Variants in CDKAL1 observed in about 807,000 individuals in gnomAD.
CDKAL1 encodes the protein CDKAL1 threonylcarbamoyladenosine tRNA methylthiotransferase, also known as threonylcarbamoyladenosine tRNA methylthiotransferase.
In CDKAL1, 32 loss-of-function variants were observed where a neutral mutation model predicts 68.2. That is an observed-to-expected ratio of 0.47 (90% confidence interval 0.35 to 0.63). The LOEUF (loss-of-function observed/expected upper bound fraction) is 0.63, where lower values mean the gene tolerates loss of function less well. Ranked by LOEUF, CDKAL1 falls within the 30% of genes least tolerant of loss-of-function variation. The probability of loss-of-function intolerance (pLI) is 0.00; values close to 1 mark genes in which losing one functional copy is unlikely to be tolerated. For missense variants in CDKAL1, 606 were observed against 696.7 expected (o/e 0.87, Z 1.47); for synonymous variants, 234 against 244.3 (o/e 0.96, Z 0.39).
chr6:20,829,095 G>A (rs893869844), intron 8 of CDKAL1, among the ~76,000 whole-genome samples: 1 of 152,008 alleles, frequency 6.6e-6, no homozygotes, highest in Non-Finnish European at 1.5e-5. Context: ...ATTGACATTT[G>A]GTTTGCTTCC....
At chr6:21,192,744 A>G (rs750692589) in intron 13 of CDKAL1, among the ~76,000 whole-genome samples, 1 of 152,116 alleles carries the variant, frequency 6.6e-6, no homozygotes, top group South Asian at 2.1e-4. Flanking sequence ...CTATATGCCT[A>G]TAAACAAATC....
chr6:21,114,030 C>T (rs1378199310), intron 13 of CDKAL1, among the ~76,000 whole-genome samples: 3 of 151,694 alleles, frequency 2.0e-5, no homozygotes, highest in African/African-American at 7.3e-5. Flanking sequence ...GGGCAGATCA[C>T]GAGGTCCAGA....
intron 9 of CDKAL1, among the ~76,000 whole-genome samples, chr6:20,896,565 A>G (rs565723934): frequency 2.6e-5 from 4 of 152,264 alleles, no homozygotes; most frequent in Non-Finnish European, 4.4e-5. Context: ...AGTGCCAAGT[A>G]AAATAAAGAA....
At chr6:21,046,349 C>T (rs1292269802) in intron 11 of CDKAL1, among the ~76,000 whole-genome samples, 1 of 152,202 alleles carries the variant, frequency 6.6e-6, no homozygotes, top group Non-Finnish European at 1.5e-5. Context: ...TCAGCTACCA[C>T]CAGCATTCAA....
intron 10 of CDKAL1, among the ~76,000 whole-genome samples, chr6:20,964,186 A>C (rs972346467): frequency 2.0e-5 from 3 of 152,234 alleles, no homozygotes; most frequent in Admixed American, 1.3e-4. Flanking sequence ...TACGGAGAAA[A>C]AGGAATGCTT....
chr6:20,693,653 G>A (rs1326189406), intron 5 of CDKAL1, among the ~76,000 whole-genome samples: 3 of 152,108 alleles, frequency 2.0e-5, no homozygotes, highest in East Asian at 1.9e-4. Context: ...TTGCTTTCTC[G>A]CCTATGGCTT....
At chr6:20,758,533 A>G in intron 6 of CDKAL1, 62 bp from the exon 7 acceptor site, 1 of 1,456,282 alleles carries the variant, frequency 6.9e-7, no homozygotes, top group Non-Finnish European at 9.5e-7. Flanking sequence ...AAGCATAAGG[A>G]TAAACACAAA....
chr6:20,787,573 A>G (rs752113684), intron 8 of CDKAL1, among the ~76,000 whole-genome samples: 2 of 152,166 alleles, frequency 1.3e-5, no homozygotes, highest in Non-Finnish European at 2.9e-5. Flanking sequence ...TTGGGTGGTG[A>G]AATCAAACTT....
intron 5 of CDKAL1, among the ~76,000 whole-genome samples, chr6:20,661,882 A>G (rs6456370): frequency 0.46 from 70,110 of 152,088 alleles, 18,225 homozygotes; most frequent in African/African-American, 0.72. Flanking sequence ...AAATACTTAC[A>G]TAATTAAATA....
intron 5 of CDKAL1, chr6:20,723,598 G>A (rs750777658): frequency 2.5e-5 from 5 of 200,450 alleles, no homozygotes; most frequent in Non-Finnish European, 5.3e-5. Flanking sequence ...ATTTTGTAGG[G>A]TTGGTGCTTG....
rs373536956 is a variant in CDKAL1, at chr6:21,092,254, C to CT, written c.1237-16131dup. On this transcript the variant is annotated intron_variant, in intron 12 of 15. Transcript: ENST00000274695. Reference sequence around the variant, plus strand: ...GGGGCGGGGTTTAGATTAACTGATTCTTTTTTTTTTTTTTTTAAGTTCCGG... The same window carrying CT: ...GGGGCGGGGTTTAGATTAACTGATTCTTTTTTTTTTTTTTTTTAAGTTCCGG... 5.4e-3 allele frequency among the ~76,000 whole-genome samples: 687 copies of CT among 126,510 alleles called. 7 individuals carry two copies. Among genetic ancestry groups the CT allele is most frequent in the East Asian group, 0.044 (191 of 4,356 alleles). 83.0% of individuals were successfully genotyped at this position (126,510 alleles called of 152,430 possible). A position where few individuals can be genotyped will look rare whatever the true frequency, so the allele number is the denominator to read the frequency against.
At chr6:20,725,760 G>A (rs181408408) in intron 5 of CDKAL1, among the ~76,000 whole-genome samples, 1 of 148,880 alleles carries the variant, frequency 6.7e-6, no homozygotes, top group African/African-American at 2.5e-5. Flanking sequence ...CTGCAGCCTG[G>A]GCAACAAGAG....
intron 4 of CDKAL1, among the ~76,000 whole-genome samples, chr6:20,564,851 G>C (rs1455537108): frequency 6.6e-6 from 1 of 152,138 alleles, no homozygotes; most frequent in African/African-American, 2.4e-5. Flanking sequence ...TGAAAATGTA[G>C]CAAAACCTTT....
chr6:20,829,673 G>C (rs71563980), intron 8 of CDKAL1, among the ~76,000 whole-genome samples: 2 of 152,146 alleles, frequency 1.3e-5, no homozygotes, highest in African/African-American at 4.8e-5. Context: ...AGAAAAAGTA[G>C]CATCAAATGT....
chr6:20,744,431 T>C lies in CDKAL1; in HGVS notation c.468+4816T>C, dbSNP rs369644213. ...TGGTGTACTGTTCCTTGCACAGTAC[T>C]ATGCAAGTGCTGGGAATGCAGCAGT... is the stretch of plus-strand genomic sequence containing the variant. On this transcript the variant is annotated intron_variant, in intron 6 of 15. Coordinates refer to ENST00000274695, the MANE Select transcript of CDKAL1 (RefSeq NM_017774.3). Among the ~76,000 whole-genome samples, 4 of 152,162 alleles carry C rather than the reference T, an allele frequency of 2.6e-5. No individual in the cohort carries two copies. In the South Asian group the frequency reaches 6.2e-4, roughly 24 times the overall value.
intron 9 of CDKAL1, 36 bp from the exon 10 acceptor site, chr6:20,955,383 G>C (rs766437587): frequency 6.2e-7 from 1 of 1,607,976 alleles, no homozygotes; most frequent in East Asian, 2.2e-5. Flanking sequence ...AAACAGCTCT[G>C]CCACAGATTT....
chr6:21,069,457 G>A (rs982836358), intron 12 of CDKAL1, among the ~76,000 whole-genome samples: 1 of 151,926 alleles, frequency 6.6e-6, no homozygotes, highest in African/African-American at 2.4e-5. Context: ...TACATTGAAT[G>A]GTTTTCAAAT....
At chr6:20,637,596 G>A (rs1767966486) in intron 4 of CDKAL1, among the ~76,000 whole-genome samples, 1 of 152,046 alleles carries the variant, frequency 6.6e-6, no homozygotes, top group Non-Finnish European at 1.5e-5. Context: ...GAGATAGCAG[G>A]AAGATGTATT....
At chr6:20,688,431 T>G (rs1341996234) in intron 5 of CDKAL1, among the ~76,000 whole-genome samples, 1 of 152,140 alleles carries the variant, frequency 6.6e-6, no homozygotes, top group Admixed American at 6.5e-5. Context: ...CTTTCGTTTT[T>G]TTTTTGTTTT....
Sources: allele counts gnomAD v4.1 joint callset (sites outside exome capture counted in the v4.1 genomes callset), GRCh38; gene constraint gnomAD v4.1.1; transcripts MANE v1.5; gene names NCBI Gene and HGNC (gene_info 2026-07-23, HGNC 2026-07-21).